The following NT5DC3 variants were observed in gnomAD, a reference collection of about 807,000 sequenced individuals.
The protein encoded by NT5DC3 is 5'-nucleotidase domain-containing protein 3.
In NT5DC3, 42 loss-of-function variants were observed where a neutral mutation model predicts 67.8. The observed-to-expected ratio is 0.62, with a 90% CI of 0.48 to 0.80. NT5DC3 has a LOEUF of 0.80. Ranked by LOEUF, NT5DC3 falls within the 30% of genes least tolerant of loss-of-function variation. The pLI, the probability that NT5DC3 is intolerant of heterozygous loss-of-function variation, is 0.00. For missense variants in NT5DC3, 570 were observed against 696.4 expected (o/e 0.82, Z 2.04); for synonymous variants, 237 against 255.6 (o/e 0.93, Z 0.69).
At chr12:103,826,973 G>A (rs1416916359) in intron 1 of NT5DC3, among the ~76,000 whole-genome samples, 1 of 152,228 alleles carries the variant, frequency 6.6e-6, no homozygotes, top group African/African-American at 2.4e-5. Context: ...CCTGGGCGCG[G>A]TGGCTCATGC....
the NT5DC3 span, chr12:103,755,671 C>A: frequency 6.2e-7 from 1 of 1,614,156 alleles, no homozygotes. Flanking sequence ...CAGTGGGAAC[C>A]TGCTGCAGGT....
chr12:103,780,296 T>C lies in NT5DC3; in HGVS notation c.1394+4A>G. 6.2e-7 allele frequency: 1 copy of C among 1,613,506 alleles called. No homozygotes were observed. The highest frequency in any genetic ancestry group is 8.5e-7 in the Non-Finnish European group (1 of 1,179,412). Reference sequence around the variant, plus strand: ...CGCGCACATTCAATACAGGCCTCTCTTACCGCATCTCCTTCCTTTCCTTTT... The same window carrying C: ...CGCGCACATTCAATACAGGCCTCTCCTACCGCATCTCCTTCCTTTCCTTTT... On this transcript the variant is annotated splice_donor_region_variant and intron_variant, in intron 13 of 13. Coordinates refer to ENST00000392876, the MANE Select transcript of NT5DC3 (RefSeq NM_001031701.3).
the NT5DC3 span, chr12:103,749,274 C>T: frequency 3.4e-6 from 4 of 1,161,640 alleles, no homozygotes; most frequent in East Asian, 1.0e-4. Context: ...TTTTTTCTAG[C>T]ACAGTCTGTT....
intron 1 of NT5DC3, among the ~76,000 whole-genome samples, chr12:103,827,941 A>C (rs1566128542): frequency 6.6e-6 from 1 of 152,250 alleles, no homozygotes; most frequent in Non-Finnish European, 1.5e-5. Flanking sequence ...CCACAAACTG[A>C]ACACGAATTA....
rs1372160503 is a variant in NT5DC3 at position 103,778,002 on chromosome 12, G to A, written c.1474C>T (p.Arg492Cys). The change falls in exon 14 of 14, where the codon CGC (arginine) becomes TGC (cysteine). Residue 492 changes from arginine (R) to cysteine (C), a missense_variant. This residue lies in a region of NT5DC3 where 466 missense variants were observed against 608.0 expected (regional missense o/e 0.77). Coordinates refer to ENST00000392876, the MANE Select transcript of NT5DC3 (RefSeq NM_001031701.3). ...TDQNPTYFLR[R>C]LSRFADIYMA... ...TAGATGTCAGCGAAGCGCGACAGGC[G>A]CCTTAGGAAGTAGGTTGGGTTCTGG... 4 of 1,614,082 alleles carry A rather than the reference G, an allele frequency of 2.5e-6. No individual in the cohort carries two copies. Among genetic ancestry groups the A allele is most frequent in the Non-Finnish European group, 2.5e-6 (3 of 1,180,034 alleles).
In NT5DC3 at chr12:103,780,286, C is replaced by G. The variant is rs1197656340; in HGVS notation, c.1394+14G>C. ...GGGTGGTGGACGCGCACATTCAATA[C>G]AGGCCTCTCTTACCGCATCTCCTTC... On this transcript the variant is annotated intron_variant, in intron 13 of 13. Coordinates refer to ENST00000392876, the MANE Select transcript of NT5DC3 (RefSeq NM_001031701.3). The G allele has an allele frequency of 1.2e-6, 2 of 1,611,310 alleles. No individual in the cohort carries two copies. Among genetic ancestry groups the G allele is most frequent in the East Asian group, 2.2e-5 (1 of 44,866 alleles).
chr12:103,762,214 T>G, the NT5DC3 span: 3 of 1,597,930 alleles, frequency 1.9e-6, no homozygotes, highest in Non-Finnish European at 2.6e-6. Flanking sequence ...CCACCAAGGG[T>G]TCCCCTTTTG....
chr12:103,817,145 G>C (rs1241178220), intron 1 of NT5DC3, among the ~76,000 whole-genome samples: 1 of 151,918 alleles, frequency 6.6e-6, no homozygotes, highest in Non-Finnish European at 1.5e-5. Flanking sequence ...GCCTAATGAT[G>C]ATGGAGAAAC....
intron 7 of NT5DC3, 146 bp from the exon 8 acceptor site, chr12:103,793,658 AACACGGGT>A (rs1886167540): frequency 3.1e-6 from 2 of 648,320 alleles, no homozygotes; most frequent in South Asian, 3.8e-5. Context: ...TGTCCGGTGG[AACACGGGT>A]ACATCTGGTG....
rs767559112 is a variant in NT5DC3 at position 103,795,051 on chromosome 12, T to C, written c.754-1054A>G. ...TAGACTGTTGCTGGGAGATTTCTGT[T>C]AAGAGTGAGCACTTCTGGACTGCAA... On this transcript the variant is annotated intron_variant, in intron 6 of 13. Transcript: ENST00000392876. 8.7e-4 allele frequency among the ~76,000 whole-genome samples: 133 copies of C among 152,294 alleles called. 1 individual carries two copies. The highest frequency in any genetic ancestry group is 3.4e-4 in the Non-Finnish European group (23 of 68,014).
the NT5DC3 span, among the ~76,000 whole-genome samples, chr12:103,749,532 A>G: frequency 3.9e-5 from 6 of 152,180 alleles, no homozygotes; most frequent in South Asian, 2.1e-4. Flanking sequence ...TAAAAGGCTT[A>G]TTAAAACAAA....
chr12:103,757,548 G>C, the NT5DC3 span, among the ~76,000 whole-genome samples: 1 of 152,254 alleles, frequency 6.6e-6, no homozygotes, highest in Non-Finnish European at 1.5e-5. Flanking sequence ...GGCACCCCAG[G>C]GTCCCCCTTC....
At chr12:103,768,282 A>G (rs1301626775), downstream of NT5DC3, among the ~76,000 whole-genome samples, 4 of 149,848 alleles carry the variant, frequency 2.7e-5, no homozygotes, top group Non-Finnish European at 5.9e-5. Flanking sequence ...TAAAACTACA[A>G]AAATTAGCCT....
At chr12:103,784,488 TC>T (rs1426855804) in intron 12 of NT5DC3, among the ~76,000 whole-genome samples, 1 of 152,148 alleles carries the variant, frequency 6.6e-6, no homozygotes, top group Non-Finnish European at 1.5e-5. Flanking sequence ...GCAAGGCAAT[TC>T]CCTGCCCATT....
rs1223721212 is a variant in NT5DC3 at position 103,841,173 on chromosome 12, C to T, written c.-17G>A. 3 of 649,108 alleles carry T rather than the reference C, an allele frequency of 4.6e-6. No individual in the cohort carries two copies. The highest frequency in any genetic ancestry group is 7.5e-6 in the Non-Finnish European group (3 of 400,682). 40.2% of individuals were successfully genotyped at this position (649,108 alleles called of 1,614,324 possible). A position where few individuals can be genotyped will look rare whatever the true frequency, so the allele number is the denominator to read the frequency against. ...CATGGTCATGCCTGCTGCCTGCTGC[C>T]GCCACCGCCGCCGCGCCGCTCTGCG... is the stretch of plus-strand genomic sequence containing the variant. On this transcript the variant is annotated 5_prime_UTR_variant, in exon 1 of 14. Coordinates refer to ENST00000392876, the MANE Select transcript of NT5DC3 (RefSeq NM_001031701.3).
chr12:103,832,540 T>C (rs1043646536), intron 1 of NT5DC3, among the ~76,000 whole-genome samples: 1 of 152,118 alleles, frequency 6.6e-6, no homozygotes, highest in Non-Finnish European at 1.5e-5. Context: ...CTCCTTTCAC[T>C]TCCTCTTTAC....
chr12:103,755,795 T>A, the NT5DC3 span: 1 of 1,371,400 alleles, frequency 7.3e-7, no homozygotes, highest in Non-Finnish European at 1.0e-6. Context: ...GGTGAGGCCT[T>A]AAGCTGAAGG....
At chr12:103,822,135 A>T (rs1188409778) in intron 1 of NT5DC3, 1 of 152,180 alleles carries the variant, frequency 6.6e-6, no homozygotes, top group African/African-American at 2.4e-5. Flanking sequence ...AAAAACAAGA[A>T]TATATACCAT....
the NT5DC3 span, chr12:103,755,518 A>G: frequency 5.0e-6 from 8 of 1,608,606 alleles, no homozygotes; most frequent in East Asian, 1.1e-4. Context: ...CTGCTGAGCA[A>G]TCCTCAGCCT....
Sources: allele counts gnomAD v4.1 joint callset (sites outside exome capture counted in the v4.1 genomes callset), GRCh38; gene constraint gnomAD v4.1.1; regional missense constraint gnomAD v4.1.1; transcripts MANE v1.5; gene names NCBI Gene and HGNC (gene_info 2026-07-23, HGNC 2026-07-21).